RRAS2: variants seen among roughly 807,000 people sequenced by gnomAD.
RRAS2 encodes RAS related 2.
In RRAS2, 7 loss-of-function variants were observed where a neutral mutation model predicts 27.6. That is an observed-to-expected ratio of 0.25 (90% CI 0.14 to 0.48). The LOEUF is 0.48. Ranked by LOEUF, RRAS2 falls within the 20% of genes least tolerant of loss-of-function variation. The pLI is 0.99. For synonymous variants in RRAS2, 86 were observed against 90.9 expected, an observed-to-expected ratio of 0.95 and a Z score of 0.31; for missense variants, 178 against 256.2, an observed-to-expected ratio of 0.69 and a Z score of 2.08.
At chr11:14,303,554 G>C (rs1354345791) in intron 1 of RRAS2, among the ~76,000 whole-genome samples, 1 of 152,110 alleles carries the variant, frequency 6.6e-6, no homozygotes, top group Non-Finnish European at 1.5e-5. Flanking sequence ...CTCAGCGACA[G>C]AGAGAGACCC....
chr11:14,295,129 A>G (rs544287572), intron 2 of RRAS2, among the ~76,000 whole-genome samples: 8 of 152,334 alleles, frequency 5.3e-5, no homozygotes, highest in African/African-American at 1.9e-4. Context: ...AATATCAAAC[A>G]CATTTAATCA....
chr11:14,351,340 AC>A (rs1848946371), intron 1 of RRAS2, among the ~76,000 whole-genome samples: 1 of 152,250 alleles, frequency 6.6e-6, no homozygotes, highest in South Asian at 2.1e-4. Flanking sequence ...AACTGGAACA[AC>A]TGGCAAATTT....
At chr11:14,295,994 AAG>A in intron 1 of RRAS2, 139 bp from the exon 2 acceptor site, 1 of 618,476 alleles carries the variant, frequency 1.6e-6, no homozygotes, top group Non-Finnish European at 2.7e-6. Context: ...GCAACACAGC[AAG>A]ACTCTTATCT....
At chr11:14,289,426 G>A in intron 4 of RRAS2, among the ~76,000 whole-genome samples, 1 of 152,148 alleles carries the variant, frequency 6.6e-6, no homozygotes, top group East Asian at 1.9e-4. Context: ...CACTGTCTAA[G>A]CCAACATACT....
chr11:14,342,484 T>A (rs1564980135), intron 1 of RRAS2, among the ~76,000 whole-genome samples: 1 of 152,186 alleles, frequency 6.6e-6, no homozygotes, highest in Admixed American at 6.5e-5. Flanking sequence ...AATGTATTTT[T>A]CATAGGTACC....
rs1847863579 is a variant in RRAS2 at position 14,307,581 on chromosome 11, C to T, written c.109-11726G>A. On this transcript the variant is annotated intron_variant, in intron 1 of 5. Transcript: ENST00000256196. The stretch of plus-strand genomic sequence containing the variant: ...CATTGAGGCTCAGCAGTTAAATAAC[C>T]TGCCAAAGGTCACAAAGTGGAACTG... Among the ~76,000 whole-genome samples the T allele has an allele frequency of 2.6e-5, 4 of 152,010 alleles. No individual in the cohort carries two copies. The South Asian group carries it at 6.2e-4, about 24-fold the overall frequency.
At chr11:14,339,605 G>C (rs1436932845) in intron 1 of RRAS2, among the ~76,000 whole-genome samples, 1 of 152,054 alleles carries the variant, frequency 6.6e-6, no homozygotes, top group African/African-American at 2.4e-5. Context: ...ATATTTTCAT[G>C]TAATAGCTAC....
chr11:14,306,105 G>C (rs1847822997), intron 1 of RRAS2, among the ~76,000 whole-genome samples: 1 of 151,788 alleles, frequency 6.6e-6, no homozygotes, highest in African/African-American at 2.4e-5. Flanking sequence ...ACACCCTACG[G>C]ATGTAAAATA....
chr11:14,299,257 T>C (rs1031579958), intron 1 of RRAS2, among the ~76,000 whole-genome samples: 2 of 152,188 alleles, frequency 1.3e-5, no homozygotes, highest in African/African-American at 4.8e-5. Context: ...ATTCCAGTCC[T>C]AGTTACACTT....
At chr11:14,364,417 CT>C (rs1849227922) in exon 1 of RRAS2, 1 of 1,535,604 alleles carries the variant, frequency 6.5e-7, no homozygotes. Flanking sequence ...GCATCATCCA[CT>C]TATTTCCTTA....
At chr11:14,302,064 C>CACACACACACACA (rs1847720747) in intron 1 of RRAS2, among the ~76,000 whole-genome samples, 1 of 51,820 alleles carries the variant, frequency 1.9e-5, no homozygotes, top group Non-Finnish European at 4.0e-5. Flanking sequence ...AGTAAATGTA[C>CACACACACACACA]CACACACATA....
intron 5 of RRAS2, among the ~76,000 whole-genome samples, chr11:14,280,102 C>T (rs1295344508): frequency 6.6e-6 from 1 of 152,086 alleles, no homozygotes; most frequent in Non-Finnish European, 1.5e-5. Flanking sequence ...AGTTGCTTAA[C>T]ACTAAAATGG....
intron 1 of RRAS2, among the ~76,000 whole-genome samples, chr11:14,345,868 C>CA (rs1359169072): frequency 6.6e-6 from 1 of 152,160 alleles, no homozygotes; most frequent in Non-Finnish European, 1.5e-5. Context: ...CTCAGTACCC[C>CA]AAGGCAATTC....
intron 4 of RRAS2, among the ~76,000 whole-genome samples, chr11:14,291,122 T>G (rs1047196127): frequency 1.3e-5 from 2 of 152,006 alleles, no homozygotes; most frequent in Admixed American, 6.6e-5. Context: ...TTAGTAGATA[T>G]GGAGGTAAGG....
At chr11:14,279,565 C>T (rs1194138383) in intron 5 of RRAS2, 141 bp from the exon 6 acceptor site, 1 of 662,146 alleles carries the variant, frequency 1.5e-6, no homozygotes, top group African/African-American at 1.8e-5. Flanking sequence ...TCTCTCTTTC[C>T]TACCCCCACC....
intron 4 of RRAS2, among the ~76,000 whole-genome samples, chr11:14,294,009 A>C (rs953257433): frequency 2.6e-5 from 4 of 152,244 alleles, no homozygotes; most frequent in African/African-American, 9.6e-5. Context: ...AATTAACAGA[A>C]AATTCAGTCA....
At chr11:14,329,201 G>A (rs1214400085) in intron 1 of RRAS2, among the ~76,000 whole-genome samples, 2 of 150,470 alleles carry the variant, frequency 1.3e-5, no homozygotes, top group Non-Finnish European at 3.0e-5. Context: ...ACCTCCCTTC[G>A]CCTCCCAGGT....
At position 14,339,017 on chromosome 11, in the gene RRAS2, C is replaced by T. The variant is rs79051232; in HGVS notation, c.108+19746G>A. Among the ~76,000 whole-genome samples the T allele has an allele frequency of 5.1e-4, 77 of 152,234 alleles. 1 individual carries two copies. Among genetic ancestry groups the T allele is most frequent in the African/African-American group, 1.7e-3 (71 of 41,540 alleles). On this transcript the variant is annotated intron_variant, in intron 1 of 5. Transcript: ENST00000256196. ...TGCTGAATGAAGTTCCACACCACCA[C>T]GCCATTTATCTGACCTTCTAGAAAT...
At chr11:14,324,717 T>C (rs1848311342) in intron 1 of RRAS2, among the ~76,000 whole-genome samples, 1 of 152,194 alleles carries the variant, frequency 6.6e-6, no homozygotes, top group Non-Finnish European at 1.5e-5. Flanking sequence ...ATATATGTGC[T>C]GAATGAATTT....
Sources: gnomAD v4.1 joint callset for allele counts (sites outside exome capture counted in the v4.1 genomes callset) on GRCh38, gnomAD v4.1.1 for gene constraint, MANE v1.5 for transcripts, NCBI Gene and HGNC (gene_info 2026-07-23, HGNC 2026-07-21) for gene names.